The following LRBA variants were observed in gnomAD, a reference collection of about 807,000 sequenced individuals.
The protein encoded by LRBA is LPS responsive beige-like anchor protein, also known as lipopolysaccharide-responsive and beige-like anchor protein.
Under a neutral mutation model 330.0 loss-of-function variants are expected in LRBA, and 176 were observed. That is an observed-to-expected ratio of 0.53 (90% CI 0.47 to 0.60). LRBA has a LOEUF of 0.60. Ranked by LOEUF, LRBA falls within the 20% of genes least tolerant of loss-of-function variation. The probability of loss-of-function intolerance (pLI) is 0.00; values close to 1 mark genes in which losing one functional copy is unlikely to be tolerated. For missense variants in LRBA, 3,259 were observed against 3,444.8 expected (o/e 0.95, Z 1.35); for synonymous variants, 1,230 against 1,193.0 (o/e 1.03, Z -0.64).
chr4:150,658,294 T>C (rs1336297553), intron 37 of LRBA, among the ~76,000 whole-genome samples: 2 of 151,242 alleles, frequency 1.3e-5, no homozygotes, highest in African/African-American at 2.4e-5. Flanking sequence ...AAATCGTTTC[T>C]ATCTCTGGAC....
chr4:150,795,411 C>T (rs915096227), intron 34 of LRBA, among the ~76,000 whole-genome samples: 2 of 151,956 alleles, frequency 1.3e-5, no homozygotes, highest in South Asian at 4.1e-4. Flanking sequence ...CAACAGAGAA[C>T]ATACAGTTTC....
chr4:150,551,254 A>G (rs983832441), intron 40 of LRBA, among the ~76,000 whole-genome samples: 13 of 152,210 alleles, frequency 8.5e-5, no homozygotes, highest in Admixed American at 3.3e-4. Context: ...TATTCTTTAT[A>G]AATTACTAGT....
At chr4:150,798,253 C>G (rs556511984) in intron 33 of LRBA, 111 bp from the exon 34 acceptor site, 1 of 643,246 alleles carries the variant, frequency 1.6e-6, no homozygotes, top group Non-Finnish European at 2.8e-6. Flanking sequence ...ATTAATAGTG[C>G]ACATTTAATC....
intron 44 of LRBA, among the ~76,000 whole-genome samples, chr4:150,445,707 C>G (rs1158480936): frequency 6.6e-6 from 1 of 152,044 alleles, no homozygotes; most frequent in Non-Finnish European, 1.5e-5. Flanking sequence ...CTCTGTTACC[C>G]TGGCTCACAT....
At chr4:150,726,402 G>A (rs1015787721) in intron 36 of LRBA, among the ~76,000 whole-genome samples, 1 of 152,156 alleles carries the variant, frequency 6.6e-6, no homozygotes, top group Admixed American at 6.6e-5. Flanking sequence ...GACAAAGACG[G>A]TCATTATATA....
intron 37 of LRBA, among the ~76,000 whole-genome samples, chr4:150,678,633 T>C (rs1204257647): frequency 1.3e-5 from 2 of 152,166 alleles, no homozygotes; most frequent in African/African-American, 2.4e-5. Context: ...TCCCTCTCCT[T>C]CTTATGAAAG....
chr4:150,366,636 C>T (rs1739503944), intron 47 of LRBA, among the ~76,000 whole-genome samples: 2 of 152,298 alleles, frequency 1.3e-5, no homozygotes, highest in South Asian at 2.1e-4. Context: ...ATAGGCCTCA[C>T]TAATGAGCCT....
At chr4:150,808,593 TATC>T (rs759239264) in intron 31 of LRBA, among the ~76,000 whole-genome samples, 195 bp from the exon 32 acceptor site, 72 of 152,320 alleles carry the variant, frequency 4.7e-4, no homozygotes, top group Non-Finnish European at 8.7e-4. Flanking sequence ...CAAGCTCAAT[TATC>T]ATGCCAGAGC....
chr4:150,364,357 G>A (rs1412957625), intron 47 of LRBA, among the ~76,000 whole-genome samples: 2 of 152,152 alleles, frequency 1.3e-5, no homozygotes, highest in African/African-American at 4.8e-5. Context: ...AATCCTATAA[G>A]CACCACATTT....
intron 40 of LRBA, among the ~76,000 whole-genome samples, chr4:150,555,005 C>T (rs936031444): frequency 2.0e-5 from 3 of 151,952 alleles, no homozygotes; most frequent in African/African-American, 4.8e-5. Flanking sequence ...AGGAAGGATA[C>T]GATAGTTGTA....
At chr4:150,466,155 G>A (rs936180612) in intron 44 of LRBA, among the ~76,000 whole-genome samples, 2 of 152,052 alleles carry the variant, frequency 1.3e-5, no homozygotes, top group Non-Finnish European at 2.9e-5. Context: ...TGTTTGTCAT[G>A]AGGAAAATGT....
chr4:150,532,639 C>A (rs1275520564), intron 40 of LRBA, among the ~76,000 whole-genome samples: 2 of 151,904 alleles, frequency 1.3e-5, no homozygotes, highest in African/African-American at 2.4e-5. Flanking sequence ...TTACATGCAA[C>A]CTTATCTTGA....
intron 37 of LRBA, among the ~76,000 whole-genome samples, chr4:150,652,049 G>T (rs12499860): frequency 0.31 from 47,892 of 152,056 alleles, 8,836 homozygotes; most frequent in Non-Finnish European, 0.42. Context: ...TTGCCATGTT[G>T]CCCAAGCTGG....
At chr4:150,541,848 TA>T (rs930004238) in intron 40 of LRBA, among the ~76,000 whole-genome samples, 1 of 152,012 alleles carries the variant, frequency 6.6e-6, no homozygotes, top group Non-Finnish European at 1.5e-5. Context: ...CTGGCTAATT[TA>T]AAAAAAATTT....
chr4:150,360,316 T>TAA (rs77442716), intron 47 of LRBA, among the ~76,000 whole-genome samples: 20 of 118,598 alleles, frequency 1.7e-4, no homozygotes, highest in African/African-American at 5.8e-4. Context: ...TTTTAAAAAG[T>TAA]AAAAAAAAAA....
chr4:150,844,061 T>C, intron 28 of LRBA, 39 bp downstream of exon 28: 1 of 1,215,678 alleles, frequency 8.2e-7, no homozygotes. Context: ...GAAATATGCA[T>C]CAGTTAAGAG....
chr4:150,976,914 TATTAAG>T (rs1740248197), intron 2 of LRBA, among the ~76,000 whole-genome samples: 1 of 151,620 alleles, frequency 6.6e-6, no homozygotes, highest in Non-Finnish European at 1.5e-5. Flanking sequence ...ACAGAGAGAG[TATTAAG>T]ACCAGCCCTA....
intron 52 of LRBA, among the ~76,000 whole-genome samples, chr4:150,309,143 TG>T (rs1262736096): frequency 6.6e-6 from 1 of 152,202 alleles, no homozygotes; most frequent in Non-Finnish European, 1.5e-5. Flanking sequence ...GACAATGGAA[TG>T]GTTTTTATCT....
chr4:150,417,716 C>T (rs865810028), intron 46 of LRBA, among the ~76,000 whole-genome samples: 1 of 152,088 alleles, frequency 6.6e-6, no homozygotes. Flanking sequence ...TTGAGAGATG[C>T]ATCATTTCCA....
Sources: gnomAD v4.1 joint callset for allele counts (sites outside exome capture counted in the v4.1 genomes callset) on GRCh38, gnomAD v4.1.1 for gene constraint, MANE v1.5 for transcripts, NCBI Gene and HGNC (gene_info 2026-07-23, HGNC 2026-07-21) for gene names.